FGD4: variants seen among roughly 807,000 people sequenced by gnomAD.
FGD4 encodes the protein FYVE, RhoGEF and PH domain-containing protein 4.
Under a neutral mutation model 102.0 loss-of-function variants are expected in FGD4, and 42 were observed. That is an observed-to-expected ratio of 0.41 (90% CI 0.32 to 0.53). The LOEUF (loss-of-function observed/expected upper bound fraction) is 0.53, where lower values mean the gene tolerates loss of function less well. FGD4 is among the 20% of genes least tolerant of loss of function. The probability of loss-of-function intolerance (pLI) is 0.21; values close to 1 mark genes in which losing one functional copy is unlikely to be tolerated. For synonymous variants in FGD4, 380 were observed against 375.7 expected, an observed-to-expected ratio of 1.01 and a Z score of -0.13; for missense variants, 902 against 1,078.2, an observed-to-expected ratio of 0.84 and a Z score of 2.29.
At chr12:32,418,325 A>G (rs1941502280) in intron 1 of FGD4, among the ~76,000 whole-genome samples, 1 of 152,052 alleles carries the variant, frequency 6.6e-6, no homozygotes, top group Non-Finnish European at 1.5e-5. Flanking sequence ...ATATTTGTCT[A>G]TGTCTGGGCA....
chr12:32,424,700 A>T (rs1032445949), intron 1 of FGD4, among the ~76,000 whole-genome samples: 1 of 152,174 alleles, frequency 6.6e-6, no homozygotes. Context: ...GTGTAAAAGC[A>T]TTCCTATTTC....
chr12:32,638,882 A>T (rs1039544129), intron 16 of FGD4, 87 bp downstream of exon 16: 1 of 1,600,872 alleles, frequency 6.2e-7, no homozygotes, highest in Admixed American at 1.8e-5. Flanking sequence ...TCTGTAGAAC[A>T]AGAGTTCAGG....
intron 1 of FGD4, among the ~76,000 whole-genome samples, chr12:32,468,797 G>A (rs189941703): frequency 1.3e-5 from 2 of 152,238 alleles, no homozygotes; most frequent in Non-Finnish European, 2.9e-5. Flanking sequence ...TCTCACCCAA[G>A]TTATAGCATT....
At chr12:32,614,191 G>A (rs1949313628) in intron 10 of FGD4, among the ~76,000 whole-genome samples, 1 of 152,184 alleles carries the variant, frequency 6.6e-6, no homozygotes. Context: ...CACTCAATGG[G>A]TACCAAAAAT....
chr12:32,467,034 A>G (rs1943273891), intron 1 of FGD4, among the ~76,000 whole-genome samples: 1 of 152,116 alleles, frequency 6.6e-6, no homozygotes, highest in Admixed American at 6.5e-5. Context: ...TTTATTAGGT[A>G]GAAATATATT....
At chr12:32,491,611 A>T (rs1482942787) in intron 1 of FGD4, among the ~76,000 whole-genome samples, 1 of 152,102 alleles carries the variant, frequency 6.6e-6, no homozygotes, top group Non-Finnish European at 1.5e-5. Flanking sequence ...GAAAGGTTTC[A>T]TTTCTTATGT....
intron 1 of FGD4, among the ~76,000 whole-genome samples, chr12:32,513,601 T>C (rs1215224994): frequency 6.6e-6 from 1 of 152,188 alleles, no homozygotes; most frequent in Non-Finnish European, 1.5e-5. Context: ...ATGAGTCCTC[T>C]GAATTAAGAC....
chr12:32,461,819 T>C (rs1591947407), intron 1 of FGD4, among the ~76,000 whole-genome samples: 3 of 152,098 alleles, frequency 2.0e-5, no homozygotes, highest in Admixed American at 1.3e-4. Context: ...CTCTGCCTCC[T>C]GGGTTCAAGC....
intron 10 of FGD4, among the ~76,000 whole-genome samples, chr12:32,615,060 A>C (rs983582499): frequency 2.0e-4 from 30 of 152,230 alleles, no homozygotes; most frequent in Non-Finnish European, 3.2e-4. Flanking sequence ...ATAGCCAAAA[A>C]ATTTGAGACA....
intron 1 of FGD4, among the ~76,000 whole-genome samples, chr12:32,528,528 T>C (rs1182699103): frequency 6.6e-6 from 1 of 152,112 alleles, no homozygotes; most frequent in Non-Finnish European, 1.5e-5. Flanking sequence ...TAGCTGGGAT[T>C]ACAGGTGCGC....
At chr12:32,581,224 G>C (rs1173891054) in intron 3 of FGD4, among the ~76,000 whole-genome samples, 2 of 152,186 alleles carry the variant, frequency 1.3e-5, no homozygotes, top group Non-Finnish European at 2.9e-5. Context: ...CAAGGAGTAT[G>C]GCAAGAACAC....
At chr12:32,538,509 A>G (rs1332009107) in intron 1 of FGD4, among the ~76,000 whole-genome samples, 6 of 152,180 alleles carry the variant, frequency 3.9e-5, no homozygotes, top group African/African-American at 7.2e-5. Flanking sequence ...CATGTCAATA[A>G]TGAGTTCCTG....
intron 6 of FGD4, 82 bp from the exon 7 acceptor site, chr12:32,602,079 C>A: frequency 7.9e-7 from 1 of 1,262,642 alleles, no homozygotes; most frequent in Non-Finnish European, 1.2e-6. Flanking sequence ...AATGCCACTG[C>A]ACTACAGTCT....
intron 1 of FGD4, among the ~76,000 whole-genome samples, chr12:32,535,132 A>C (rs540759724): frequency 6.6e-6 from 1 of 152,234 alleles, no homozygotes. Context: ...ATGTAATTCA[A>C]CTGTGTGATA....
chr12:32,460,494 C>A (rs1943073388), intron 1 of FGD4, among the ~76,000 whole-genome samples: 1 of 139,900 alleles, frequency 7.1e-6, no homozygotes. Context: ...GACAGTGAGA[C>A]CCGGTCTCAA....
In FGD4 at chr12:32,625,686, G is replaced by A. The variant is rs751404531; in HGVS notation, c.2079G>A (p.Trp693Ter). 1.9e-6 allele frequency: 3 copies of A among 1,613,926 alleles called. No homozygotes were observed. Among genetic ancestry groups the A allele is most frequent in the Non-Finnish European group, 2.5e-6 (3 of 1,179,972 alleles). The change falls in exon 14 of 17, where the codon TGG (tryptophan) becomes TGA (stop). Residue 693 changes from tryptophan to a stop codon, truncating the protein, a stop_gained. Coordinates refer to ENST00000534526, the MANE Select transcript of FGD4 (RefSeq NM_001370298.3). LOFTEE classifies it high-confidence loss of function. Reference protein sequence around the residue: ...TAELGKRAPRWIRDNEVTMCM... With the variant: ...TAELGKRAPR ...AGCTAGGGAAAAGAGCCCCAAGATG[G>A]ATCCGAGATAATGAAGTGACAATGT...
chr12:32,505,539 T>A (rs1426902157), intron 1 of FGD4, among the ~76,000 whole-genome samples: 1 of 152,244 alleles, frequency 6.6e-6, no homozygotes, highest in Non-Finnish European at 1.5e-5. Context: ...AAACTTTTCA[T>A]AAATTGGCAA....
rs115547259 is a variant in FGD4, at chr12:32,580,613, C to T, written c.504-1347C>T. ...ATTAAAATCTGTACAAATGGCCGGG[C>T]GCGGTGGCTCATGCCTATAATCCCA... On this transcript the variant is annotated intron_variant, in intron 3 of 16. Transcript: ENST00000534526. Among the ~76,000 whole-genome samples the T allele has an allele frequency of 7.5e-3, 1,142 of 152,272 alleles. 11 individuals carry two copies. The highest frequency in any genetic ancestry group is 0.026 in the African/African-American group (1,063 of 41,568).
At chr12:32,519,507 C>T (rs550193753) in intron 1 of FGD4, among the ~76,000 whole-genome samples, 6 of 152,242 alleles carry the variant, frequency 3.9e-5, no homozygotes, top group South Asian at 2.1e-4. Flanking sequence ...TTAAAATCTT[C>T]GGCCAGGTGC....
Sources: allele counts gnomAD v4.1 joint callset (sites outside exome capture counted in the v4.1 genomes callset), GRCh38; gene constraint gnomAD v4.1.1; transcripts MANE v1.5; gene names NCBI Gene and HGNC (gene_info 2026-07-23, HGNC 2026-07-21).